MED27: variants seen among roughly 807,000 people sequenced by gnomAD.
MED27 encodes mediator complex subunit 27, also known as mediator of RNA polymerase II transcription subunit 27.
In MED27, 30 loss-of-function variants were observed where a neutral mutation model predicts 38.2. That is an observed-to-expected ratio of 0.79 (90% confidence interval 0.59 to 1.07). The LOEUF (loss-of-function observed/expected upper bound fraction) is 1.07. Among genes scored for constraint, MED27 ranks in the 50% least tolerant of loss-of-function variants. The pLI, the probability that MED27 is intolerant of heterozygous loss-of-function variation, is 0.00. For synonymous variants in MED27, 122 were observed against 153.5 expected (o/e 0.79, Z 1.52); for missense variants, 289 against 397.5 (o/e 0.73, Z 2.32).
rs1266736416 is a variant in MED27, at chr9:131,872,118, C to T, written c.724-8978G>A. 6.6e-6 allele frequency among the ~76,000 whole-genome samples: 1 copy of T among 150,874 alleles called. No homozygotes were observed. Among genetic ancestry groups the T allele is most frequent in the African/African-American group, 2.5e-5 (1 of 40,220 alleles). ...CTGACTGCTGGGAACCGCCTTCCAG[C>T]TCCTGGCTGGTGGACCAGGCTGGGG... On this transcript the variant is annotated intron_variant, in intron 6 of 7. Coordinates refer to ENST00000292035, the MANE Select transcript of MED27 (RefSeq NM_004269.4). The surrounding 1 kb of genome is among the most constrained non-coding windows in gnomAD (Gnocchi z 5.6).
intron 2 of MED27, among the ~76,000 whole-genome samples, chr9:132,047,354 G>A (rs1175390555): frequency 5.9e-5 from 9 of 151,654 alleles, no homozygotes; most frequent in Admixed American, 5.9e-4. Context: ...CAAAATGGCA[G>A]AAAAGAGCCA....
chr9:132,037,079 T>C (rs945229948), intron 2 of MED27, among the ~76,000 whole-genome samples: 2 of 152,128 alleles, frequency 1.3e-5, no homozygotes, highest in South Asian at 2.1e-4. Flanking sequence ...AGACGAAATG[T>C]TGAAGCACTG....
intron 3 of MED27, among the ~76,000 whole-genome samples, chr9:131,972,267 C>T (rs1410388568): frequency 6.6e-6 from 1 of 152,064 alleles, no homozygotes; most frequent in Non-Finnish European, 1.5e-5. Context: ...TGGAGCAAGT[C>T]CCCAATACAA....
At chr9:132,061,237 C>A (rs539307890) in intron 2 of MED27, among the ~76,000 whole-genome samples, 2 of 152,308 alleles carry the variant, frequency 1.3e-5, no homozygotes, top group East Asian at 3.9e-4. Flanking sequence ...GCTAAAAGGG[C>A]CAACGGTGCC....
intron 4 of MED27, among the ~76,000 whole-genome samples, chr9:131,923,856 G>T (rs1279900032): frequency 6.6e-6 from 1 of 152,084 alleles, no homozygotes; most frequent in Non-Finnish European, 1.5e-5. Context: ...TCCAGAAAAA[G>T]TAAGCGTATT....
At chr9:131,881,800 C>CTTCTTT (rs1159629751) in intron 6 of MED27, among the ~76,000 whole-genome samples, 7 of 60,968 alleles carry the variant, frequency 1.1e-4, no homozygotes, top group African/African-American at 4.1e-4. Flanking sequence ...TCTTCTTCTT[C>CTTCTTT]TTTTTTTTTT....
intron 4 of MED27, among the ~76,000 whole-genome samples, chr9:131,932,382 G>GA (rs55702268): frequency 0.85 from 118,086 of 139,206 alleles, 50,110 homozygotes; most frequent in Middle Eastern, 0.91. Context: ...ACTAATTAGG[G>GA]AAAAAAAAAA....
chr9:132,055,630 C>G (rs4246176), intron 2 of MED27, among the ~76,000 whole-genome samples: 85,893 of 152,064 alleles, frequency 0.56, 26,356 homozygotes, highest in Non-Finnish European at 0.67. Flanking sequence ...TCATAGCACT[C>G]ATAAGCCACC....
chr9:132,019,240 C>T (rs1832669174), intron 2 of MED27, among the ~76,000 whole-genome samples: 1 of 152,146 alleles, frequency 6.6e-6, no homozygotes, highest in Non-Finnish European at 1.5e-5. Flanking sequence ...GTACAATGTC[C>T]AGGATAGTGC....
intron 4 of MED27, 124 bp downstream of exon 4, chr9:131,939,257 T>C (rs1830740079): frequency 1.9e-6 from 1 of 528,138 alleles, no homozygotes; most frequent in Non-Finnish European, 3.2e-6. Flanking sequence ...AGAAACTATG[T>C]TATTCACTAT....
chr9:132,013,057 G>A (rs765020848), intron 3 of MED27, among the ~76,000 whole-genome samples: 1 of 152,328 alleles, frequency 6.6e-6, no homozygotes, highest in East Asian at 1.9e-4. Context: ...GCGAAGGAAC[G>A]CTTCTCGGGC....
intron 4 of MED27, among the ~76,000 whole-genome samples, chr9:131,903,553 C>T (rs1394970278): frequency 6.6e-6 from 1 of 152,132 alleles, no homozygotes; most frequent in African/African-American, 2.4e-5. Context: ...CTGCCATGTA[C>T]AGAGCAGAGT....
chr9:131,966,557 A>G (rs1016305546), intron 3 of MED27, among the ~76,000 whole-genome samples: 15 of 152,060 alleles, frequency 9.9e-5, no homozygotes, highest in African/African-American at 2.4e-4. Flanking sequence ...CATAAAAAAC[A>G]ACAAGTTTAA....
At chr9:132,016,361 G>T (rs1159963975) in intron 2 of MED27, among the ~76,000 whole-genome samples, 2 of 152,180 alleles carry the variant, frequency 1.3e-5, no homozygotes, top group Non-Finnish European at 2.9e-5. Flanking sequence ...AGCCTTACAG[G>T]TGCCCAATAC....
intron 4 of MED27, among the ~76,000 whole-genome samples, chr9:131,936,310 C>T (rs1179822516): frequency 6.6e-6 from 1 of 152,176 alleles, no homozygotes; most frequent in Non-Finnish European, 1.5e-5. Flanking sequence ...CGGGAAACAA[C>T]TGCCTCCATT....
chr9:131,894,830 G>A (rs1009575277), intron 4 of MED27, among the ~76,000 whole-genome samples: 2 of 152,072 alleles, frequency 1.3e-5, no homozygotes, highest in Admixed American at 6.5e-5. Context: ...GGGGCCTAGT[G>A]GGGGGTGTTT....
intron 3 of MED27, among the ~76,000 whole-genome samples, chr9:131,942,430 G>A (rs1830806094): frequency 6.6e-6 from 1 of 152,144 alleles, no homozygotes; most frequent in Non-Finnish European, 1.5e-5. Flanking sequence ...ATCTATATGT[G>A]TGGTTTAAAC....
intron 4 of MED27, among the ~76,000 whole-genome samples, chr9:131,911,071 A>C (rs1830179239): frequency 6.6e-6 from 1 of 152,168 alleles, no homozygotes; most frequent in South Asian, 2.1e-4. Flanking sequence ...TCTTTACAAG[A>C]GATTTTTTTT....
intron 4 of MED27, among the ~76,000 whole-genome samples, chr9:131,907,971 C>G (rs1830103139): frequency 6.7e-6 from 1 of 150,044 alleles, no homozygotes; most frequent in South Asian, 2.1e-4. Flanking sequence ...GTGAGGAGAC[C>G]CTCTGCCTGG....
Sources: gnomAD v4.1 joint callset for allele counts (sites outside exome capture counted in the v4.1 genomes callset) on GRCh38, gnomAD v4.1.1 for gene constraint, Gnocchi (gnomAD v3.1) non-coding constraint, MANE v1.5 for transcripts, NCBI Gene and HGNC (gene_info 2026-07-23, HGNC 2026-07-21) for gene names.